Variants in BRAF observed in about 807,000 individuals in gnomAD.
BRAF encodes serine/threonine-protein kinase B-raf.
Under a neutral mutation model 104.6 loss-of-function variants are expected in BRAF, and 16 were observed. The ratio of observed to expected loss-of-function variants is 0.15; its 90% CI spans 0.10 to 0.23. The LOEUF (loss-of-function observed/expected upper bound fraction) is 0.23. Among genes scored for constraint, BRAF ranks in the 10% least tolerant of loss-of-function variants. BRAF has a pLI of 1.00. For synonymous variants in BRAF, 310 were observed against 341.6 expected (o/e 0.91, Z 1.02); for missense variants, 541 against 937.3 (o/e 0.58, Z 5.52).
intron 14 of BRAF, among the ~76,000 whole-genome samples, chr7:140,772,087 T>C (rs757923533): frequency 5.9e-5 from 9 of 151,814 alleles, no homozygotes; most frequent in South Asian, 2.1e-4. Flanking sequence ...TGGGAATAGA[T>C]AGGGGGAAAT....
intron 1 of BRAF, among the ~76,000 whole-genome samples, chr7:140,886,824 A>C (rs1813619416): frequency 6.6e-6 from 1 of 152,202 alleles, no homozygotes; most frequent in African/African-American, 2.4e-5. Flanking sequence ...TGCAGAGACC[A>C]CATCTAAGCC....
chr7:140,726,587 A>C, intron 19 of BRAF: 2 of 1,298,452 alleles, frequency 1.5e-6, no homozygotes, highest in Non-Finnish European at 2.1e-6. Flanking sequence ...GAAAAGCCTC[A>C]TTTGAGCTTC....
At chr7:140,734,908 A>C (rs1796286573) in intron 18 of BRAF, 138 bp from the exon 18 acceptor site, 2 of 922,244 alleles carry the variant, frequency 2.2e-6, no homozygotes, top group African/African-American at 3.3e-5. Context: ...CTTTACAAGA[A>C]AGCACCTGAA....
chr7:140,722,003 C>A lies in BRAF; in HGVS notation c.*4491G>T. 1 of 1,168,316 alleles carries A rather than the reference C, an allele frequency of 8.6e-7. No homozygotes were observed. The highest frequency in any genetic ancestry group is 1.1e-6 in the Non-Finnish European group (1 of 947,668). 72.4% of individuals were successfully genotyped at this position (1,168,316 alleles called of 1,614,324 possible). The stretch of plus-strand genomic sequence containing the variant: ...CAAATTCGGTCCTATATTTCAATTT[C>A]CCCTTCTAAGTTAATACATGATTGC... On this transcript the variant is annotated 3_prime_UTR_variant, in exon 20 of 20. Transcript: ENST00000644969.
intron 14 of BRAF, among the ~76,000 whole-genome samples, chr7:140,765,654 C>T (rs1799240883): frequency 6.6e-6 from 1 of 152,104 alleles, no homozygotes; most frequent in African/African-American, 2.4e-5. Flanking sequence ...TGAACAGACA[C>T]TTCTCAAAAG....
intron 1 of BRAF, among the ~76,000 whole-genome samples, chr7:140,901,235 AAGTT>A (rs1452881457): frequency 6.6e-6 from 1 of 152,206 alleles, no homozygotes; most frequent in Admixed American, 6.5e-5. Flanking sequence ...TTAGTGTTGT[AAGTT>A]TGTTTGTTGG....
intron 1 of BRAF, among the ~76,000 whole-genome samples, chr7:140,886,566 C>T (rs759563584): frequency 6.6e-6 from 1 of 152,182 alleles, no homozygotes; most frequent in Non-Finnish European, 1.5e-5. Context: ...TTCACACATG[C>T]TATTCCTTCT....
At chr7:140,907,231 G>T (rs1034821598) in intron 1 of BRAF, among the ~76,000 whole-genome samples, 2 of 152,066 alleles carry the variant, frequency 1.3e-5, no homozygotes, top group Non-Finnish European at 2.9e-5. Flanking sequence ...TTTCTATTTG[G>T]TTTTTTGCAA....
At chr7:140,898,018 G>A (rs922471229) in intron 1 of BRAF, among the ~76,000 whole-genome samples, 5 of 152,010 alleles carry the variant, frequency 3.3e-5, no homozygotes, top group Admixed American at 2.6e-4. Flanking sequence ...GGGCAACACA[G>A]CAAGACTCCA....
chr7:140,885,035 CTT>C (rs776608680), intron 1 of BRAF, among the ~76,000 whole-genome samples: 5 of 152,048 alleles, frequency 3.3e-5, no homozygotes, highest in East Asian at 1.9e-4. Context: ...CAGTCTTGCT[CTT>C]GTCGCCCAGG....
intron 3 of BRAF, among the ~76,000 whole-genome samples, chr7:140,831,103 T>C (rs1299179684): frequency 6.6e-6 from 1 of 152,174 alleles, no homozygotes. Context: ...CCTGGGTAGA[T>C]AGTGTCAGAA....
intron 2 of BRAF, chr7:140,836,333 T>C (rs958606945): frequency 2.6e-5 from 4 of 152,090 alleles, no homozygotes; most frequent in Admixed American, 2.6e-4. Context: ...AGGGAATAGA[T>C]TGTAGAGAGT....
chr7:140,723,290 T>C lies in BRAF; in HGVS notation c.*3204A>G. The C allele has an allele frequency of 1.9e-6, 2 of 1,056,296 alleles. No individual in the cohort carries two copies. The highest frequency in any genetic ancestry group is 2.3e-6 in the Non-Finnish European group (2 of 873,668). 65.4% of individuals were successfully genotyped at this position (1,056,296 alleles called of 1,614,324 possible). On this transcript the variant is annotated 3_prime_UTR_variant, in exon 20 of 20. Coordinates refer to ENST00000644969, the MANE Select transcript of BRAF (RefSeq NM_001374258.1). ...GCACCAAACCAGAAGCTAGGAAATA[T>C]TTACAAAGTTTCAGGTTGACAGTGC... is the stretch of plus-strand genomic sequence containing the variant.
At chr7:140,880,459 C>T (rs1812773140) in intron 1 of BRAF, among the ~76,000 whole-genome samples, 1 of 152,134 alleles carries the variant, frequency 6.6e-6, no homozygotes, top group South Asian at 2.1e-4. Context: ...CAAAGTCATC[C>T]ACAAGCATTA....
chr7:140,801,846 A>G (rs986271675), intron 5 of BRAF, among the ~76,000 whole-genome samples: 18 of 152,158 alleles, frequency 1.2e-4, no homozygotes, highest in Non-Finnish European at 2.2e-4. Flanking sequence ...ATAAAAGTAA[A>G]AGTAGACATG....
At chr7:140,791,338 T>C (rs1801946229) in intron 8 of BRAF, among the ~76,000 whole-genome samples, 2 of 152,316 alleles carry the variant, frequency 1.3e-5, no homozygotes, top group African/African-American at 4.8e-5. Context: ...CTTTATCTCA[T>C]TTGAATCGTA....
At chr7:140,905,610 C>T (rs1325572976) in intron 1 of BRAF, among the ~76,000 whole-genome samples, 2 of 152,088 alleles carry the variant, frequency 1.3e-5, no homozygotes, top group African/African-American at 2.4e-5. Flanking sequence ...ATAATTTAAT[C>T]CATTTTGTAT....
chr7:140,786,748 C>T (rs934097614), intron 9 of BRAF, among the ~76,000 whole-genome samples: 3 of 152,176 alleles, frequency 2.0e-5, no homozygotes, highest in African/African-American at 7.2e-5. Flanking sequence ...GTCTGACAAA[C>T]CCCCTCTTCA....
intron 3 of BRAF, among the ~76,000 whole-genome samples, chr7:140,831,549 T>C (rs1436043491): frequency 1.3e-5 from 2 of 152,206 alleles, no homozygotes; most frequent in Admixed American, 6.5e-5. Flanking sequence ...GTTCCATATA[T>C]ACAGAAGAGG....
Sources: gnomAD v4.1 joint callset for allele counts (sites outside exome capture counted in the v4.1 genomes callset) on GRCh38, gnomAD v4.1.1 for gene constraint, MANE v1.5 for transcripts, NCBI Gene and HGNC (gene_info 2026-07-23, HGNC 2026-07-21) for gene names.